SPAG17: variants seen among roughly 807,000 people sequenced by gnomAD.
SPAG17 encodes sperm associated antigen 17.
A neutral mutation model predicts 273.6 loss-of-function variants in SPAG17; 169 were observed. That is an observed-to-expected ratio of 0.62 (90% CI 0.55 to 0.70). The LOEUF is 0.70. Ranked by LOEUF, SPAG17 falls within the 30% of genes least tolerant of loss-of-function variation. SPAG17 has a pLI of 0.00. For synonymous variants in SPAG17, 825 were observed against 873.2 expected (o/e 0.94, Z 0.97); for missense variants, 2,557 against 2,627.8 (o/e 0.97, Z 0.59).
chr1:118,068,931 G>A (rs1247074842), intron 17 of SPAG17, among the ~76,000 whole-genome samples: 2 of 152,142 alleles, frequency 1.3e-5, no homozygotes, highest in Non-Finnish European at 2.9e-5. Context: ...GGAGTTGAAG[G>A]AGGTGTGTCC....
chr1:118,095,235 C>G (rs532262396), intron 7 of SPAG17, among the ~76,000 whole-genome samples: 2 of 152,292 alleles, frequency 1.3e-5, no homozygotes, highest in East Asian at 3.9e-4. Context: ...AAATGGTGCT[C>G]GGTCCTTTGA....
At chr1:117,972,452 G>A (rs1419718189) in intron 44 of SPAG17, among the ~76,000 whole-genome samples, 1 of 152,234 alleles carries the variant, frequency 6.6e-6, no homozygotes, top group Non-Finnish European at 1.5e-5. Flanking sequence ...GTCGGGGGCA[G>A]GGCCCAAGAA....
intron 46 of SPAG17, among the ~76,000 whole-genome samples, chr1:117,967,592 A>G (rs1251437253): frequency 6.6e-6 from 1 of 152,210 alleles, no homozygotes; most frequent in Non-Finnish European, 1.5e-5. Flanking sequence ...GGGTATTCCT[A>G]ATGCAGGATG....
intron 24 of SPAG17, among the ~76,000 whole-genome samples, 188 bp from the exon 25 acceptor site, chr1:118,032,055 A>T (rs948161272): frequency 6.6e-6 from 1 of 152,136 alleles, no homozygotes; most frequent in African/African-American, 2.4e-5. Flanking sequence ...GTAGTTAGAA[A>T]ATTTGAGGTA....
intron 15 of SPAG17, among the ~76,000 whole-genome samples, chr1:118,077,960 C>A (rs76294930): frequency 6.6e-6 from 1 of 152,092 alleles, no homozygotes; most frequent in East Asian, 1.9e-4. Context: ...TGTAGTTGAA[C>A]AAATTATTTA....
At chr1:117,986,987 C>T (rs1244951960) in intron 40 of SPAG17, among the ~76,000 whole-genome samples, 7 of 152,178 alleles carry the variant, frequency 4.6e-5, no homozygotes, top group African/African-American at 1.7e-4. Context: ...GACACAGATG[C>T]ACAGAGAGGA....
Position 118,081,502 on chromosome 1 carries a change from G to C in SPAG17, c.1903C>G (p.Pro635Ala). ...CGSDSEMFNIPWDNPARFAKQ... is the reference protein window; with the variant it reads ...CGSDSEMFNIAWDNPARFAKQ... ...GCAAATCTGGCAGGGTTGTCCCACGGTATGTTGAACATTTCAGAATCTGAC... is the reference window on the plus strand; with the variant it reads ...GCAAATCTGGCAGGGTTGTCCCACGCTATGTTGAACATTTCAGAATCTGAC... Residue 635 changes from proline (P) to alanine (A), a missense_variant, in exon 14 of 49, where the codon CCG becomes GCG. Transcript: ENST00000336338. The C allele has an allele frequency of 6.2e-7, 1 of 1,613,748 alleles. No homozygotes were observed. The highest frequency in any genetic ancestry group is 8.5e-7 in the Non-Finnish European group (1 of 1,179,974).
intron 32 of SPAG17, among the ~76,000 whole-genome samples, chr1:118,003,115 G>C (rs899511315): frequency 3.9e-5 from 6 of 152,172 alleles, no homozygotes; most frequent in Admixed American, 2.0e-4. Context: ...GAAATTTGGG[G>C]TTGAAAACTC....
At chr1:118,105,218 G>C (rs1656321821) in intron 4 of SPAG17, among the ~76,000 whole-genome samples, 1 of 152,120 alleles carries the variant, frequency 6.6e-6, no homozygotes, top group Admixed American at 6.6e-5. Flanking sequence ...CTGAGAAAAG[G>C]CAGGAAAGAG....
At chr1:118,167,577 A>C (rs1172273935) in intron 1 of SPAG17, among the ~76,000 whole-genome samples, 1 of 152,210 alleles carries the variant, frequency 6.6e-6, no homozygotes, top group Non-Finnish European at 1.5e-5. Flanking sequence ...AACTATTCAC[A>C]CAAAAAATTG....
At chr1:117,983,669 A>G in intron 42 of SPAG17, 142 bp downstream of exon 42, 1 of 443,604 alleles carries the variant, frequency 2.3e-6, no homozygotes, top group Non-Finnish European at 3.9e-6. Context: ...TTGTTTTCTC[A>G]TATAACTCAG....
intron 32 of SPAG17, 139 bp downstream of exon 32, chr1:118,005,275 G>T: frequency 1.6e-6 from 1 of 622,166 alleles, no homozygotes; most frequent in Non-Finnish European, 2.6e-6. Flanking sequence ...ATTCATTACT[G>T]CTTGCCCAAA....
chr1:118,041,234 G>T (rs1236000063), intron 21 of SPAG17, among the ~76,000 whole-genome samples: 1 of 152,098 alleles, frequency 6.6e-6, no homozygotes, highest in Admixed American at 6.6e-5. Flanking sequence ...TTTTTACTGA[G>T]TGTTGCTAAC....
At chr1:117,967,457 C>T (rs1197441395) in intron 46 of SPAG17, among the ~76,000 whole-genome samples, 2 of 151,852 alleles carry the variant, frequency 1.3e-5, no homozygotes, top group African/African-American at 2.4e-5. Context: ...CTAACAATAA[C>T]GACAGGTGAT....
chr1:118,158,175 A>AT (rs1345995528), intron 1 of SPAG17, among the ~76,000 whole-genome samples: 1 of 152,196 alleles, frequency 6.6e-6, no homozygotes, highest in East Asian at 1.9e-4. Context: ...ATGTATAATA[A>AT]TTTTTTCAGA....
Position 118,150,620 on chromosome 1 carries a change from T to C in SPAG17, c.238A>G (p.Ile80Val). 6 of 1,532,438 alleles carry C rather than the reference T, an allele frequency of 3.9e-6. No homozygotes were observed. The highest frequency in any genetic ancestry group is 5.4e-6 in the Non-Finnish European group (6 of 1,117,278). 94.9% of individuals were successfully genotyped at this position (1,532,438 alleles called of 1,614,324 possible). The change falls in exon 3 of 49, where the codon ATA (isoleucine) becomes GTA (valine). Residue 80 changes from isoleucine to valine, a missense_variant. Ile to Val is a conservative substitution (Grantham distance 29). Coordinates refer to ENST00000336338, the MANE Select transcript of SPAG17 (RefSeq NM_206996.4). ...GAAGCAGATCCAACAAGTGTATTTA[T>C]TTCATTAATCTGTAAGAAAATTAAA... The part of the protein sequence containing the change: ...WQDILQQINE[I>V]NTLVGSASSK...
At chr1:118,132,129 A>C (rs1658086388) in intron 3 of SPAG17, among the ~76,000 whole-genome samples, 1 of 152,184 alleles carries the variant, frequency 6.6e-6, no homozygotes, top group Non-Finnish European at 1.5e-5. Flanking sequence ...GTGGCCCCAG[A>C]GGGTGCCTTC....
intron 15 of SPAG17, among the ~76,000 whole-genome samples, chr1:118,080,098 T>G (rs983388978): frequency 6.6e-6 from 1 of 152,120 alleles, no homozygotes; most frequent in Non-Finnish European, 1.5e-5. Flanking sequence ...AGAGGTGAGG[T>G]CTTGCTATTT....
intron 1 of SPAG17, among the ~76,000 whole-genome samples, chr1:118,170,363 A>G (rs1167799394): frequency 6.6e-6 from 1 of 152,184 alleles, no homozygotes; most frequent in Non-Finnish European, 1.5e-5. Context: ...AAGTTATAAG[A>G]GAGATCCTAG....
Sources: allele counts gnomAD v4.1 joint callset (sites outside exome capture counted in the v4.1 genomes callset), GRCh38; gene constraint gnomAD v4.1.1; transcripts MANE v1.5; gene names NCBI Gene and HGNC (gene_info 2026-07-23, HGNC 2026-07-21).